PTK2: variants seen among roughly 807,000 people sequenced by gnomAD.
PTK2 encodes the protein focal adhesion kinase 1.
PTK2 carries 45 observed loss-of-function variants against 150.1 expected under a neutral mutation model. The ratio of observed to expected loss-of-function variants is 0.30; its 90% confidence interval spans 0.24 to 0.38. PTK2 has a LOEUF of 0.38. Among genes scored for constraint, PTK2 ranks in the 10% least tolerant of loss-of-function variants. The pLI is 1.00. For synonymous variants in PTK2, 432 were observed against 449.2 expected, an observed-to-expected ratio of 0.96 and a Z score of 0.48; for missense variants, 919 against 1,307.3, an observed-to-expected ratio of 0.70 and a Z score of 4.58.
At chr8:140,747,585 AGAG>A (rs1289952490) in intron 17 of PTK2, among the ~76,000 whole-genome samples, 2 of 43,590 alleles carry the variant, frequency 4.6e-5, no homozygotes, top group East Asian at 1.9e-3. Context: ...GGGAGGGGGA[AGAG>A]GAGGAGGAGA....
intron 4 of PTK2, 75 bp from the exon 5 acceptor site, chr8:140,864,474 G>C: frequency 1.3e-6 from 1 of 785,080 alleles, no homozygotes. Context: ...TTATAATATT[G>C]TGAGTATAGC....
intron 26 of PTK2, among the ~76,000 whole-genome samples, chr8:140,689,258 C>G (rs1249213826): frequency 1.3e-5 from 2 of 152,110 alleles, no homozygotes; most frequent in Non-Finnish European, 2.9e-5. Context: ...TTGTGGGGCC[C>G]AAACATCCCA....
intron 22 of PTK2, among the ~76,000 whole-genome samples, chr8:140,732,844 G>A (rs1033370085): frequency 6.6e-6 from 1 of 152,198 alleles, no homozygotes; most frequent in East Asian, 1.9e-4. Flanking sequence ...AGTCACAGAA[G>A]ACCCAGTGCG....
intron 27 of PTK2, among the ~76,000 whole-genome samples, chr8:140,679,023 T>TTG (rs2100015585): frequency 1.7e-5 from 1 of 59,034 alleles, no homozygotes; most frequent in African/African-American, 5.9e-5. Flanking sequence ...TTTTTTTTTT[T>TTG]TTTTTTTTTT....
chr8:140,937,254 T>G (rs2100173970), intron 1 of PTK2, among the ~76,000 whole-genome samples: 1 of 152,242 alleles, frequency 6.6e-6, no homozygotes. Context: ...TTAAATTTTC[T>G]TTTTATAATC....
chr8:140,995,942 G>A (rs2100197551), intron 1 of PTK2, among the ~76,000 whole-genome samples: 1 of 152,066 alleles, frequency 6.6e-6, no homozygotes, highest in Non-Finnish European at 1.5e-5. Flanking sequence ...AGCCTTAGCC[G>A]GGTGCAGTGG....
intron 1 of PTK2, among the ~76,000 whole-genome samples, chr8:140,992,955 T>C (rs1397380): frequency 0.42 from 63,407 of 151,996 alleles, 15,155 homozygotes; most frequent in Non-Finnish European, 0.55. Flanking sequence ...AGCATCCAAT[T>C]AATCCAGTTG....
At chr8:140,893,745 C>T (rs2100155011) in intron 2 of PTK2, among the ~76,000 whole-genome samples, 1 of 152,140 alleles carries the variant, frequency 6.6e-6, no homozygotes, top group African/African-American at 2.4e-5. Context: ...CTCAATTGCA[C>T]ACTTTGAAGT....
At chr8:140,669,689 G>A (rs1239149463) in intron 29 of PTK2, 38 bp downstream of exon 33, 3 of 1,528,488 alleles carry the variant, frequency 2.0e-6, no homozygotes, top group Admixed American at 3.9e-5. Flanking sequence ...GTGTGATAGA[G>A]AGAGCTGGAC....
At chr8:140,945,043 C>T (rs926677914) in intron 1 of PTK2, among the ~76,000 whole-genome samples, 5 of 152,122 alleles carry the variant, frequency 3.3e-5, no homozygotes, top group Admixed American at 6.5e-5. Context: ...TGGCCAAACA[C>T]GGAGCAGCTT....
At chr8:140,885,995 C>G (rs1191972859) in intron 3 of PTK2, among the ~76,000 whole-genome samples, 1 of 151,924 alleles carries the variant, frequency 6.6e-6, no homozygotes, top group Non-Finnish European at 1.5e-5. Flanking sequence ...GGATACCATG[C>G]CATAATGTAT....
intron 26 of PTK2, among the ~76,000 whole-genome samples, chr8:140,697,452 G>T (rs1281802659): frequency 1.4e-5 from 2 of 139,060 alleles, no homozygotes; most frequent in East Asian, 2.4e-4. Flanking sequence ...GTGTGTGTGT[G>T]TGTTTTTAAA....
chr8:140,804,440 T>A lies in PTK2; in HGVS notation c.868-790A>T, dbSNP rs540251560. ...TTCTCTACCAAAAGAAAAAAAAAAA[T>A]AACCAGGCATGGTGGTCTGTGCCTG... On this transcript the variant is annotated intron_variant, in intron 10 of 31. Transcript: ENST00000522684. 4.0e-5 allele frequency among the ~76,000 whole-genome samples: 6 copies of A among 150,208 alleles called. No homozygotes were observed. In the South Asian group the frequency reaches 1.1e-3, roughly 26 times the overall value.
At chr8:140,738,098 T>C (rs2100053634) in intron 21 of PTK2, among the ~76,000 whole-genome samples, 1 of 152,214 alleles carries the variant, frequency 6.6e-6, no homozygotes, top group Admixed American at 6.5e-5. Context: ...GGGCATCTCC[T>C]CCAAAGTAGT....
chr8:140,981,529 G>C (rs764339695), intron 1 of PTK2, among the ~76,000 whole-genome samples: 1 of 152,204 alleles, frequency 6.6e-6, no homozygotes, highest in Non-Finnish European at 1.5e-5. Flanking sequence ...CCCTCTACAC[G>C]AGAACAGCAA....
At chr8:140,756,684 T>A (rs1436843962) in intron 16 of PTK2, among the ~76,000 whole-genome samples, 2 of 126,882 alleles carry the variant, frequency 1.6e-5, no homozygotes, top group Non-Finnish European at 3.2e-5. Flanking sequence ...AGAGGGAAAC[T>A]CTGTCTCAAA....
chr8:140,770,604 T>C (rs1348382119), intron 14 of PTK2, 112 bp downstream of exon 15: 1 of 354,960 alleles, frequency 2.8e-6, no homozygotes, highest in Admixed American at 5.5e-5. Context: ...CATACACTAA[T>C]ATTCAATAAA....
intron 1 of PTK2, among the ~76,000 whole-genome samples, chr8:140,981,070 T>C (rs2100191238): frequency 6.7e-6 from 1 of 149,396 alleles, no homozygotes; most frequent in African/African-American, 2.5e-5. Flanking sequence ...TCTAAAGCTT[T>C]TTAATAAACT....
At chr8:140,862,468 G>A (rs952051522) in intron 5 of PTK2, among the ~76,000 whole-genome samples, 5 of 152,088 alleles carry the variant, frequency 3.3e-5, no homozygotes, top group Non-Finnish European at 5.9e-5. Flanking sequence ...ATCTAAAAAC[G>A]CCTTCTTAAT....
Sources: allele counts gnomAD v4.1 joint callset (sites outside exome capture counted in the v4.1 genomes callset), GRCh38; gene constraint gnomAD v4.1.1; transcripts MANE v1.5; gene names NCBI Gene and HGNC (gene_info 2026-07-23, HGNC 2026-07-21).